CCDC181: variants seen among roughly 807,000 people sequenced by gnomAD.
CCDC181 encodes coiled-coil domain-containing protein 181.
In CCDC181, 35 loss-of-function variants were observed where a neutral mutation model predicts 58.7. The observed-to-expected ratio is 0.60, with a 90% CI of 0.46 to 0.79. The LOEUF is 0.79. Ranked by LOEUF, CCDC181 falls within the 30% of genes least tolerant of loss-of-function variation. The pLI, the probability that CCDC181 is intolerant of heterozygous loss-of-function variation, is 0.00. For synonymous variants in CCDC181, 183 were observed against 197.5 expected, an observed-to-expected ratio of 0.93 and a Z score of 0.62; for missense variants, 517 against 583.9, an observed-to-expected ratio of 0.89 and a Z score of 1.18.
chr1:169,443,383 A>G (rs1474181088), intron 2 of CCDC181: 1 of 152,132 alleles, frequency 6.6e-6, no homozygotes, highest in African/African-American at 2.4e-5. Context: ...TCAGTATGTG[A>G]TTAGAAGTCT....
At position 169,443,005 on chromosome 1, in the gene CCDC181, T is replaced by C. The variant is rs1427804628; in HGVS notation, c.-24+16792A>G. On this transcript the variant is annotated intron_variant, in intron 2 of 6. Coordinates refer to the CCDC181 transcript ENST00000545005. ...AAATATATAGAGAGACATATATGTG[T>C]CTATATGTGTATTATATATCAGATA... The C allele has an allele frequency of 2.6e-5, 4 of 151,984 alleles. No homozygotes were observed. In the South Asian group the frequency reaches 8.3e-4, roughly 32 times the overall value. The allele number at this position is 151,984 out of a possible 1,614,324, so 9.4% of individuals were successfully genotyped here. A position where few individuals can be genotyped will look rare whatever the true frequency, so the allele number is the denominator to read the frequency against.
At chr1:169,395,552 C>A in intron 5 of CCDC181, among the ~76,000 whole-genome samples, 1 of 152,240 alleles carries the variant, frequency 6.6e-6, no homozygotes, top group African/African-American at 2.4e-5. Context: ...AAATAACTTA[C>A]TCTTTGTAAC....
chr1:169,398,405 G>A (rs746919687), intron 4 of CCDC181, among the ~76,000 whole-genome samples: 16 of 152,180 alleles, frequency 1.1e-4, no homozygotes, highest in Admixed American at 4.6e-4. Context: ...GTGAAATTAT[G>A]TGTCAATTAA....
intron 4 of CCDC181, among the ~76,000 whole-genome samples, chr1:169,415,145 CAA>C (rs1656157064): frequency 6.6e-6 from 1 of 152,068 alleles, no homozygotes; most frequent in Admixed American, 6.6e-5. Flanking sequence ...AAATATTGCA[CAA>C]TATACTGTAC....
At chr1:169,439,884 C>A (rs758987288) in intron 2 of CCDC181, among the ~76,000 whole-genome samples, 1 of 152,052 alleles carries the variant, frequency 6.6e-6, no homozygotes, top group African/African-American at 2.4e-5. Flanking sequence ...TCTGACCATC[C>A]CCAGCCGAAC....
In CCDC181 at chr1:169,440,931, T is replaced by TAAAAAAAAAAAAAAAAAAAAAAAAAAAA. The variant is rs72040890; in HGVS notation, c.-23-15982_-23-15981insTTTTTTTTTTTTTTTTTTTTTTTTTTTT. Reference sequence around the variant, plus strand: ...GCCCAGGCAACAGAGCAAGACTGTCTAAAAAAAAAAAAAAGGCAAGATGAG... The same window carrying TAAAAAAAAAAAAAAAAAAAAAAAAAAAA: ...GCCCAGGCAACAGAGCAAGACTGTCTAAAAAAAAAAAAAAAAAAAAAAAAAAAAAAAAAAAAAAAAAAGGCAAGATGAG... On this transcript the variant is annotated intron_variant, in intron 2 of 6. Coordinates refer to the CCDC181 transcript ENST00000545005. Among the ~76,000 whole-genome samples, 100 of 76,820 alleles carry TAAAAAAAAAAAAAAAAAAAAAAAAAAAA rather than the reference T, an allele frequency of 1.3e-3. 8 individuals are homozygous for TAAAAAAAAAAAAAAAAAAAAAAAAAAAA. Among genetic ancestry groups the TAAAAAAAAAAAAAAAAAAAAAAAAAAAA allele is most frequent in the African/African-American group, 5.0e-3 (94 of 18,800 alleles). 50.4% of individuals were successfully genotyped at this position (76,820 alleles called of 152,430 possible).
At chr1:169,399,096 T>C (rs1655206101) in intron 4 of CCDC181, among the ~76,000 whole-genome samples, 1 of 152,184 alleles carries the variant, frequency 6.6e-6, no homozygotes, top group Non-Finnish European at 1.5e-5. Flanking sequence ...TTGCTGGCCA[T>C]GGTAGGAACT....
intron 2 of CCDC181, chr1:169,451,211 T>C (rs1210042016): frequency 6.6e-6 from 1 of 152,160 alleles, no homozygotes; most frequent in East Asian, 1.9e-4. Flanking sequence ...ATATGAGTTC[T>C]GGACTGTTGC....
At chr1:169,430,302 G>C (rs1656880625), upstream of CCDC181, among the ~76,000 whole-genome samples, 1 of 151,956 alleles carries the variant, frequency 6.6e-6, no homozygotes. Context: ...ATGAATTTGA[G>C]GGTTGTTTTT....
At chr1:169,405,480 C>G (rs529603791) in intron 4 of CCDC181, among the ~76,000 whole-genome samples, 1 of 152,248 alleles carries the variant, frequency 6.6e-6, no homozygotes, top group East Asian at 1.9e-4. Context: ...TGGAACAGAA[C>G]AGAACCCTCA....
chr1:169,436,895 C>CA (rs1330543125), intron 2 of CCDC181, among the ~76,000 whole-genome samples: 1 of 151,984 alleles, frequency 6.6e-6, no homozygotes, highest in African/African-American at 2.4e-5. Context: ...CAGTGTGACA[C>CA]ACAAGGTACA....
chr1:169,405,106 T>C (rs1305108392), intron 4 of CCDC181, among the ~76,000 whole-genome samples: 2 of 152,162 alleles, frequency 1.3e-5, no homozygotes, highest in South Asian at 2.1e-4. Flanking sequence ...TTACAAGGGA[T>C]GTGAAGGACC....
intron 1 of CCDC181, among the ~76,000 whole-genome samples, chr1:169,425,595 C>A (rs1442169388): frequency 1.3e-5 from 2 of 152,044 alleles, no homozygotes; most frequent in East Asian, 3.9e-4. Context: ...TTCCTAACTG[C>A]AAGACAAGCT....
Position 169,422,184 on chromosome 1 carries a change from T to C in CCDC181, c.247A>G (p.Ile83Val), listed in dbSNP as rs139153419. The C allele has an allele frequency of 8.4e-5, 135 of 1,613,308 alleles. No homozygotes were observed. The African/African-American group carries it at 1.5e-3, about 18-fold the overall frequency. The change falls in exon 3 of 6, where the codon ATC becomes GTC. Residue 83 changes from isoleucine to valine, a missense_variant. Physicochemically the swap from Ile to Val is conservative, Grantham distance 29. Coordinates refer to ENST00000367806, the MANE Select transcript of CCDC181 (RefSeq NM_001300969.2). ...QDEVSPRRND[I>V]ISVPGIQPLD... ...GGTTGAATACCTGGTACAGAAATGA[T>C]GTCATTTCTTCTTGGTGAGACCTCA...
At chr1:169,439,836 G>A (rs1657161658) in intron 2 of CCDC181, among the ~76,000 whole-genome samples, 1 of 152,104 alleles carries the variant, frequency 6.6e-6, no homozygotes, top group African/African-American at 2.4e-5. Context: ...AGAGTGATAA[G>A]ATGATCTTTC....
chr1:169,437,586 T>C (rs1657091194), intron 2 of CCDC181, among the ~76,000 whole-genome samples: 1 of 152,200 alleles, frequency 6.6e-6, no homozygotes, highest in Non-Finnish European at 1.5e-5. Context: ...TTGGGTTTTA[T>C]AACATGTTAA....
rs1571492749 is a variant in CCDC181, at chr1:169,421,581, T to TTGA, written c.847_849dup (p.Ser283dup). On this transcript the variant is annotated inframe_insertion, in exon 3 of 6. Transcript: ENST00000367806. Reference sequence around the variant, plus strand: ...GCGATATAAGCCAGCGGCTCTCCTGTTGATGAGTGAGTGACAGCATGAATC... The same window carrying TTGA: ...GCGATATAAGCCAGCGGCTCTCCTGTTGATGATGAGTGAGTGACAGCATGAATC... The TTGA allele has an allele frequency of 1.9e-6, 3 of 1,614,174 alleles. No individual in the cohort carries two copies. Among genetic ancestry groups the TTGA allele is most frequent in the Non-Finnish European group, 2.5e-6 (3 of 1,180,022 alleles).
intron 2 of CCDC181, among the ~76,000 whole-genome samples, chr1:169,444,529 A>G (rs1657321864): frequency 6.6e-6 from 1 of 152,208 alleles, no homozygotes; most frequent in African/African-American, 2.4e-5. Flanking sequence ...GCATAACTGT[A>G]AATCTCAGTA....
At chr1:169,399,443 A>G (rs1655221261) in intron 4 of CCDC181, among the ~76,000 whole-genome samples, 1 of 152,238 alleles carries the variant, frequency 6.6e-6, no homozygotes, top group Admixed American at 6.5e-5. Context: ...TCAAGAAAAT[A>G]TATTTTTAAA....
Sources: allele counts gnomAD v4.1 joint callset (sites outside exome capture counted in the v4.1 genomes callset), GRCh38; gene constraint gnomAD v4.1.1; transcripts MANE v1.5; gene names NCBI Gene and HGNC (gene_info 2026-07-23, HGNC 2026-07-21).